CACNB2: variants seen among roughly 807,000 people sequenced by gnomAD.
The protein encoded by CACNB2 is voltage-dependent L-type calcium channel subunit beta-2.
CACNB2 carries 42 observed loss-of-function variants against 73.3 expected under a neutral mutation model. The observed-to-expected ratio is 0.57, with a 90% confidence interval of 0.45 to 0.74. The LOEUF is 0.74. Among genes scored for constraint, CACNB2 ranks in the 30% least tolerant of loss-of-function variants. The pLI is 0.00. For synonymous variants in CACNB2, 348 were observed against 310.3 expected (o/e 1.12, Z -1.28); for missense variants, 940 against 853.0 (o/e 1.10, Z -1.27).
intron 2 of CACNB2, among the ~76,000 whole-genome samples, chr10:18,228,865 A>G (rs2036119526): frequency 6.6e-6 from 1 of 152,070 alleles, no homozygotes; most frequent in African/African-American, 2.4e-5. Flanking sequence ...CAGCCTCCCA[A>G]GTAGCTGGGA....
chr10:18,365,557 CTAAT>C (rs1021476292), intron 2 of CACNB2, among the ~76,000 whole-genome samples: 1 of 152,042 alleles, frequency 6.6e-6, no homozygotes, highest in African/African-American at 2.4e-5. Flanking sequence ...TAAATTATTT[CTAAT>C]TAAAACATGA....
intron 3 of CACNB2, among the ~76,000 whole-genome samples, chr10:18,492,021 T>A (rs2049464626): frequency 6.6e-6 from 1 of 152,076 alleles, no homozygotes; most frequent in Admixed American, 6.6e-5. Context: ...GGTGTTGGCA[T>A]CTGGCTTCTA....
intron 5 of CACNB2, 118 bp from the exon 6 acceptor site, chr10:18,506,353 A>G: frequency 2.8e-6 from 2 of 708,164 alleles, no homozygotes; most frequent in Non-Finnish European, 5.2e-6. Flanking sequence ...TCCTCCTTAA[A>G]TGAAAGATAA....
intron 2 of CACNB2, among the ~76,000 whole-genome samples, chr10:18,218,554 C>T (rs2035603782): frequency 6.6e-6 from 1 of 152,200 alleles, no homozygotes; most frequent in South Asian, 2.1e-4. Context: ...CATGTAGGTA[C>T]CTTATGTGTC....
intron 2 of CACNB2, among the ~76,000 whole-genome samples, chr10:18,379,236 CA>C (rs2042919538): frequency 6.6e-6 from 1 of 152,054 alleles, no homozygotes; most frequent in Non-Finnish European, 1.5e-5. Flanking sequence ...TGTTTTGAGA[CA>C]GGGGTCTCAC....
intron 2 of CACNB2, among the ~76,000 whole-genome samples, chr10:18,277,055 TGCAG>T (rs2038325644): frequency 6.6e-6 from 1 of 152,164 alleles, no homozygotes; most frequent in African/African-American, 2.4e-5. Flanking sequence ...AGGTCGAGGC[TGCAG>T]TGAGCCGTGT....
chr10:18,532,676 C>CAAAAAAAAAAAAAAAAAAAAAAAAAAAA (rs1219587375), intron 10 of CACNB2, among the ~76,000 whole-genome samples: 8 of 92,562 alleles, frequency 8.6e-5, no homozygotes, highest in Admixed American at 1.3e-4. Flanking sequence ...GACTCTGTCT[C>CAAAAAAAAAAAAAAAAAAAAAAAAAAAA]AAAAAAAAAA....
chr10:18,288,903 G>T (rs891267358), intron 2 of CACNB2, among the ~76,000 whole-genome samples: 1 of 152,020 alleles, frequency 6.6e-6, no homozygotes, highest in African/African-American at 2.4e-5. Context: ...AAATCAGCCG[G>T]GCATGGCAGC....
chr10:18,216,522 G>A (rs1374520185), intron 2 of CACNB2, among the ~76,000 whole-genome samples: 1 of 152,122 alleles, frequency 6.6e-6, no homozygotes, highest in East Asian at 1.9e-4. Flanking sequence ...GATTTCATTA[G>A]ATATGGCAGT....
intron 2 of CACNB2, among the ~76,000 whole-genome samples, chr10:18,359,266 G>A (rs1189973936): frequency 5.9e-5 from 9 of 152,000 alleles, no homozygotes; most frequent in Admixed American, 5.3e-4. Flanking sequence ...TGTTTGTTTT[G>A]TTTTTTGTTT....
At chr10:18,498,792 G>C in intron 4 of CACNB2, 1 of 318,818 alleles carries the variant, frequency 3.1e-6, no homozygotes, top group Non-Finnish European at 6.0e-6. Flanking sequence ...ACCTTGACTA[G>C]GTGTAGTTTT....
At chr10:18,199,090 C>A (rs896700134) in intron 2 of CACNB2, among the ~76,000 whole-genome samples, 1 of 151,964 alleles carries the variant, frequency 6.6e-6, no homozygotes, top group East Asian at 1.9e-4. Flanking sequence ...GATATGTGTC[C>A]GCTGAGAAAA....
At chr10:18,213,135 GCAGGTCCTGTAA>G (rs2035383839) in intron 2 of CACNB2, among the ~76,000 whole-genome samples, 1 of 152,168 alleles carries the variant, frequency 6.6e-6, no homozygotes, top group South Asian at 2.1e-4. Context: ...GCCCTTGGCG[GCAGGTCCTGTAA>G]CACACAGCCT....
intron 3 of CACNB2, among the ~76,000 whole-genome samples, chr10:18,473,011 C>T (rs1156740631): frequency 6.6e-6 from 1 of 152,212 alleles, no homozygotes; most frequent in African/African-American, 2.4e-5. Context: ...TGGAGAGTTC[C>T]ATTCCTGAAT....
intron 2 of CACNB2, among the ~76,000 whole-genome samples, chr10:18,397,501 T>G: frequency 6.6e-6 from 1 of 151,442 alleles, no homozygotes; most frequent in African/African-American, 2.4e-5. Flanking sequence ...GACGCTTTCT[T>G]GTGTGAACGT....
At chr10:18,445,034 T>C (rs1213668137) in intron 3 of CACNB2, among the ~76,000 whole-genome samples, 1 of 152,246 alleles carries the variant, frequency 6.6e-6, no homozygotes, top group Non-Finnish European at 1.5e-5. Flanking sequence ...TGTTTGTTGC[T>C]CATTTATTAC....
intron 5 of CACNB2, among the ~76,000 whole-genome samples, chr10:18,501,232 C>A (rs1315423194): frequency 2.0e-5 from 3 of 152,178 alleles, no homozygotes; most frequent in Non-Finnish European, 4.4e-5. Flanking sequence ...AAATCTGAAA[C>A]CTTAATCATT....
At chr10:18,383,896 G>C (rs552250076) in intron 2 of CACNB2, among the ~76,000 whole-genome samples, 1 of 152,140 alleles carries the variant, frequency 6.6e-6, no homozygotes, top group South Asian at 2.1e-4. Flanking sequence ...AGTAGAGATG[G>C]GATTTCACTA....
chr10:18,313,389 C>T (rs564353080), intron 2 of CACNB2, among the ~76,000 whole-genome samples: 1 of 150,980 alleles, frequency 6.6e-6, no homozygotes, highest in Non-Finnish European at 1.5e-5. Context: ...CAGAAACACT[C>T]CTCTCCAACT....
Sources: gnomAD v4.1 joint callset for allele counts (sites outside exome capture counted in the v4.1 genomes callset) on GRCh38, gnomAD v4.1.1 for gene constraint, MANE v1.5 for transcripts, NCBI Gene and HGNC (gene_info 2026-07-23, HGNC 2026-07-21) for gene names.